FRAS1: variants seen among roughly 807,000 people sequenced by gnomAD.
FRAS1 encodes Fraser extracellular matrix complex subunit 1, also known as extracellular matrix organizing protein FRAS1.
A neutral mutation model predicts 435.2 loss-of-function variants in FRAS1; 290 were observed. The ratio of observed to expected loss-of-function variants is 0.67; its 90% CI spans 0.61 to 0.73. The LOEUF (loss-of-function observed/expected upper bound fraction) is 0.73. Among genes scored for constraint, FRAS1 ranks in the 30% least tolerant of loss-of-function variants. FRAS1 has a pLI of 0.00. For synonymous variants in FRAS1, 1,800 were observed against 1,851.0 expected (o/e 0.97, Z 0.71); for missense variants, 4,860 against 5,001.5 (o/e 0.97, Z 0.85).
intron 14 of FRAS1, among the ~76,000 whole-genome samples, chr4:78,288,033 A>G (rs749148598): frequency 3.9e-5 from 6 of 152,188 alleles, no homozygotes; most frequent in Non-Finnish European, 8.8e-5. Flanking sequence ...TGTGTGATGA[A>G]TGAATGAATG....
intron 63 of FRAS1, among the ~76,000 whole-genome samples, chr4:78,510,410 T>C (rs1278243107): frequency 6.6e-6 from 1 of 152,160 alleles, no homozygotes; most frequent in African/African-American, 2.4e-5. Context: ...TTCATGTATA[T>C]ATAAATAAGT....
chr4:78,088,972 A>G (rs1237317049), intron 2 of FRAS1, among the ~76,000 whole-genome samples: 1 of 152,170 alleles, frequency 6.6e-6, no homozygotes, highest in East Asian at 1.9e-4. Flanking sequence ...ATAAAGACAC[A>G]TGCACACGTA....
At chr4:78,463,967 A>T (rs1029257421) in intron 47 of FRAS1, 54 bp from the exon 48 acceptor site, 3 of 1,587,128 alleles carry the variant, frequency 1.9e-6, no homozygotes, top group East Asian at 2.2e-5. Flanking sequence ...AGCCTTAGAT[A>T]TATGGCTAGC....
chr4:78,480,344 A>G (rs936728290), intron 56 of FRAS1, among the ~76,000 whole-genome samples: 1 of 152,156 alleles, frequency 6.6e-6, no homozygotes. Context: ...CAAACTTCAC[A>G]TGTTCTCACT....
At chr4:78,217,254 T>C (rs1043636102) in intron 2 of FRAS1, among the ~76,000 whole-genome samples, 7 of 152,184 alleles carry the variant, frequency 4.6e-5, no homozygotes, top group Admixed American at 4.6e-4. Flanking sequence ...GTTTACTGTG[T>C]ACTCATTCAA....
intron 2 of FRAS1, among the ~76,000 whole-genome samples, chr4:78,072,976 C>T (rs1288325290): frequency 6.6e-6 from 1 of 152,044 alleles, no homozygotes; most frequent in African/African-American, 2.4e-5. Flanking sequence ...AAGGTTAGAG[C>T]TGTGTGTTTC....
rs55741307 is a variant in FRAS1 at position 78,469,635 on chromosome 4, G to GTTT, written c.7258-336_7258-334dup. Among the ~76,000 whole-genome samples the GTTT allele has an allele frequency of 5.9e-5, 9 of 151,410 alleles. No homozygotes were observed. The East Asian group carries it at 1.2e-3, about 20-fold the overall frequency. Reference sequence around the variant, plus strand: ...TTATTGAAAGGAAAAGTACTGTTTGGTTTTTTTTTCATCCCAAGGCAGTAT... The same window carrying GTTT: ...TTATTGAAAGGAAAAGTACTGTTTGGTTTTTTTTTTTTCATCCCAAGGCAGTAT... On this transcript the variant is annotated intron_variant, in intron 50 of 73. Coordinates refer to ENST00000512123, the MANE Select transcript of FRAS1 (RefSeq NM_025074.7).
At chr4:78,175,925 T>C (rs1021343709) in intron 2 of FRAS1, among the ~76,000 whole-genome samples, 1 of 152,172 alleles carries the variant, frequency 6.6e-6, no homozygotes, top group Non-Finnish European at 1.5e-5. Flanking sequence ...CTCTCAAGCA[T>C]GTGACACCAT....
intron 12 of FRAS1, among the ~76,000 whole-genome samples, 176 bp from the exon 13 acceptor site, chr4:78,284,229 A>AT (rs11453256): frequency 0.32 from 25,769 of 80,458 alleles, 4,276 homozygotes; most frequent in South Asian, 0.59. Context: ...ATTGGAATGT[A>AT]TTTTTTTTTT....
intron 2 of FRAS1, among the ~76,000 whole-genome samples, chr4:78,113,079 T>C (rs922915486): frequency 1.3e-5 from 2 of 152,206 alleles, no homozygotes; most frequent in Non-Finnish European, 2.9e-5. Context: ...CATGCGGTGT[T>C]TGGTTTTTCA....
chr4:78,371,118 A>G (rs1269613584), intron 23 of FRAS1, among the ~76,000 whole-genome samples: 1 of 137,422 alleles, frequency 7.3e-6, no homozygotes, highest in East Asian at 2.2e-4. Flanking sequence ...CCTTCTAACC[A>G]GTAGCTGTCA....
At chr4:78,144,758 C>T (rs111897712) in intron 2 of FRAS1, among the ~76,000 whole-genome samples, 39 of 152,160 alleles carry the variant, frequency 2.6e-4, no homozygotes, top group African/African-American at 9.2e-4. Context: ...CTTAACACTA[C>T]GAATATTTTT....
At position 78,255,230 on chromosome 4, in the gene FRAS1, T is replaced by G; in HGVS notation, c.470-12T>G. On this transcript the variant is annotated splice_polypyrimidine_tract_variant and intron_variant, in intron 5 of 73. Coordinates refer to ENST00000512123, the MANE Select transcript of FRAS1 (RefSeq NM_025074.7). ...CATCCCCCTAGTAATCCTTGTTTCT[T>G]TGACCTTCCAGAACCCTGTTCCTAT... 1 of 1,551,742 alleles carries G rather than the reference T, an allele frequency of 6.4e-7. No homozygotes were observed. The highest frequency in any genetic ancestry group is 8.7e-7 in the Non-Finnish European group (1 of 1,146,962).
chr4:78,522,836 G>A, intron 69 of FRAS1, 28 bp downstream of exon 69: 5 of 1,551,410 alleles, frequency 3.2e-6, no homozygotes, highest in Non-Finnish European at 4.3e-6. Context: ...GGCCTCCATG[G>A]GTAGAGCTGA....
At chr4:78,072,784 T>G (rs1740422359) in intron 2 of FRAS1, among the ~76,000 whole-genome samples, 1 of 135,860 alleles carries the variant, frequency 7.4e-6, no homozygotes, top group African/African-American at 2.6e-5. Context: ...TAAAATGTAC[T>G]TATTTTGTGA....
Position 78,446,887 on chromosome 4 carries a change from C to T in FRAS1, c.6010+7C>T. 1 of 1,600,496 alleles carries T rather than the reference C, an allele frequency of 6.2e-7. No homozygotes were observed. The highest frequency in any genetic ancestry group is 8.5e-7 in the Non-Finnish European group (1 of 1,173,318). ...ACAAAAAAGCCTGACCACGGTAGGG[C>T]ACGAACTGCTATGAAAAGCTTCTTA... is the stretch of plus-strand genomic sequence containing the variant. On this transcript the variant is annotated splice_region_variant and intron_variant, in intron 43 of 73. Transcript: ENST00000512123.
At chr4:78,322,886 C>G (rs978123192) in intron 18 of FRAS1, among the ~76,000 whole-genome samples, 1 of 152,100 alleles carries the variant, frequency 6.6e-6, no homozygotes, top group African/African-American at 2.4e-5. Context: ...AATGAAAAGT[C>G]CTTTTCTCAT....
At chr4:78,319,445 T>A (rs1346202616) in intron 18 of FRAS1, 3 of 456,722 alleles carry the variant, frequency 6.6e-6, no homozygotes, top group Admixed American at 2.3e-5. Flanking sequence ...GATGACATCC[T>A]GAATAAATAA....
chr4:78,406,999 T>C (rs928212904), intron 30 of FRAS1, among the ~76,000 whole-genome samples: 2 of 152,238 alleles, frequency 1.3e-5, no homozygotes, highest in Non-Finnish European at 2.9e-5. Flanking sequence ...CAAAATTTAT[T>C]TTTAAACATT....
Sources: gnomAD v4.1 joint callset for allele counts (sites outside exome capture counted in the v4.1 genomes callset) on GRCh38, gnomAD v4.1.1 for gene constraint, MANE v1.5 for transcripts, NCBI Gene and HGNC (gene_info 2026-07-23, HGNC 2026-07-21) for gene names.